Variants in UBXN8 observed in about 807,000 individuals in gnomAD.
UBXN8 encodes UBX domain protein 8.
Under a neutral mutation model 32.1 loss-of-function variants are expected in UBXN8, and 27 were observed. The observed-to-expected ratio is 0.84, with a 90% CI of 0.62 to 1.16. The LOEUF (loss-of-function observed/expected upper bound fraction) is 1.16, where lower values mean the gene tolerates loss of function less well. Ranked by LOEUF, UBXN8 falls within the 50% of genes most tolerant of loss-of-function variation. UBXN8 has a pLI of 0.00. For synonymous variants in UBXN8, 109 were observed against 111.8 expected, an observed-to-expected ratio of 0.98 and a Z score of 0.16; for missense variants, 306 against 311.4, an observed-to-expected ratio of 0.98 and a Z score of 0.13.
At chr8:30,740,784 C>T (rs1366889555), upstream of UBXN8, among the ~76,000 whole-genome samples, 3 of 151,970 alleles carry the variant, frequency 2.0e-5, no homozygotes, top group Non-Finnish European at 4.4e-5. Flanking sequence ...ACTAAGAGCT[C>T]TAAATCAACC....
At chr8:30,744,071 A>G (rs116069432), upstream of UBXN8, 258 of 845,784 alleles carry the variant, frequency 3.1e-4, no homozygotes, top group African/African-American at 4.1e-3. Context: ...GGCCGTCAGT[A>G]TTTACCACGT....
Position 30,766,217 on chromosome 8 carries a change from C to CA in UBXN8, c.646-9dup. On this transcript the variant is annotated splice_polypyrimidine_tract_variant and intron_variant, in intron 7 of 7. Coordinates refer to ENST00000265616, the MANE Select transcript of UBXN8 (RefSeq NM_005671.4). ...TTGATAATGACTAAGCCAAGCTTTT[C>CA]ATCTTCTAGGTCTTATTTGACTGGA... The CA allele has an allele frequency of 1.2e-6, 2 of 1,605,604 alleles. No homozygotes were observed. The highest frequency in any genetic ancestry group is 2.2e-5 in the South Asian group (2 of 90,222).
At chr8:30,753,004 TA>T in intron 2 of UBXN8, 30 bp from the exon 3 acceptor site, 1 of 1,490,942 alleles carries the variant, frequency 6.7e-7, no homozygotes, top group Non-Finnish European at 8.9e-7. Context: ...ACTTGGGAAG[TA>T]AAAAGCACTT....
At chr8:30,735,431 C>A (rs1362074063) in intron 1 of UBXN8, among the ~76,000 whole-genome samples, 2 of 152,112 alleles carry the variant, frequency 1.3e-5, no homozygotes, top group Non-Finnish European at 2.9e-5. Context: ...GTGGTGTGTA[C>A]CTGTAGTCCC....
rs768947297 is a variant in UBXN8 at position 30,744,311 on chromosome 8, C to T, written c.88+34C>T. On this transcript the variant is annotated intron_variant, in intron 1 of 7. Coordinates refer to ENST00000265616, the MANE Select transcript of UBXN8 (RefSeq NM_005671.4). ...GACTTTTTCCCTTCGACAGTCACAG[C>T]TGGGTAATTTTCACAGGAATGTTGC... 31 of 1,592,926 alleles carry T rather than the reference C, an allele frequency of 1.9e-5. No individual in the cohort carries two copies. In the East Asian group the frequency reaches 6.7e-4, roughly 35 times the overall value.
intron 1 of UBXN8, 124 bp downstream of exon 1, chr8:30,744,401 A>G (rs1419296348): frequency 3.3e-6 from 3 of 906,218 alleles, no homozygotes; most frequent in African/African-American, 3.3e-5. Context: ...CCCAGACTGC[A>G]TCGCCCCTGC....
intron 4 of UBXN8, chr8:30,756,162 A>T (rs1168726621): frequency 6.6e-6 from 1 of 151,838 alleles, no homozygotes; most frequent in Non-Finnish European, 1.5e-5. Flanking sequence ...TGTTTTTGAG[A>T]CAGAGTCTCT....
upstream of UBXN8, among the ~76,000 whole-genome samples, chr8:30,743,084 C>T (rs976650086): frequency 1.3e-5 from 2 of 151,922 alleles, no homozygotes; most frequent in Non-Finnish European, 2.9e-5. Context: ...AAAGAATTTT[C>T]TTTTTTCTTG....
intron 5 of UBXN8, among the ~76,000 whole-genome samples, chr8:30,760,365 C>T (rs1805796140): frequency 6.9e-6 from 1 of 144,980 alleles, no homozygotes; most frequent in Non-Finnish European, 1.5e-5. Flanking sequence ...CCAGCTGATA[C>T]ATGTTAACAT....
intron 6 of UBXN8, among the ~76,000 whole-genome samples, chr8:30,762,388 G>A (rs146002094): frequency 0.16 from 2,412 of 14,862 alleles, 60 homozygotes; most frequent in African/African-American, 0.21. Context: ...AAAGTTTTTT[G>A]TTTTTGTTTT....
At chr8:30,732,258 G>A, upstream of UBXN8, 1 of 395,842 alleles carries the variant, frequency 2.5e-6, no homozygotes, top group Non-Finnish European at 4.5e-6. Flanking sequence ...ACCTTTTGCT[G>A]GGACACCCCA....
intron 1 of UBXN8, among the ~76,000 whole-genome samples, chr8:30,737,657 CA>C (rs34685997): frequency 0.63 from 95,408 of 151,970 alleles, 35,217 homozygotes; most frequent in Non-Finnish European, 0.81. Flanking sequence ...CACTGCACTC[CA>C]GCCTAAGCAA....
chr8:30,750,730 G>GCA (rs1435568715), intron 1 of UBXN8, among the ~76,000 whole-genome samples: 62 of 146,390 alleles, frequency 4.2e-4, no homozygotes, highest in South Asian at 1.1e-3. Context: ...CCGAGATCAT[G>GCA]CCACTGCACT....
intron 6 of UBXN8, 82 bp downstream of exon 6, chr8:30,761,011 C>G: frequency 1.9e-6 from 2 of 1,038,342 alleles, no homozygotes; most frequent in Non-Finnish European, 1.4e-6. Flanking sequence ...CTTATCTAAA[C>G]TTGGGTTTAG....
At chr8:30,741,474 T>TG, upstream of UBXN8, among the ~76,000 whole-genome samples, 2 of 133,050 alleles carry the variant, frequency 1.5e-5, no homozygotes, top group Middle Eastern at 7.4e-3. Flanking sequence ...TTTTTTTTTT[T>TG]GAAACTGAGT....
At chr8:30,745,208 T>C (rs1177491733) in intron 1 of UBXN8, among the ~76,000 whole-genome samples, 1 of 152,138 alleles carries the variant, frequency 6.6e-6, no homozygotes, top group African/African-American at 2.4e-5. Context: ...AGATGAAATG[T>C]AGACAGAATT....
At chr8:30,735,978 A>C (rs1805062899) in intron 1 of UBXN8, among the ~76,000 whole-genome samples, 1 of 152,274 alleles carries the variant, frequency 6.6e-6, no homozygotes, top group Admixed American at 6.5e-5. Context: ...TGAGAAATTT[A>C]TGCAGGAAAT....
chr8:30,745,642 T>A (rs1468773203), intron 1 of UBXN8, among the ~76,000 whole-genome samples: 1 of 152,258 alleles, frequency 6.6e-6, no homozygotes, highest in Non-Finnish European at 1.5e-5. Flanking sequence ...CAAGCTGTGT[T>A]GGAATATAAC....
chr8:30,742,758 G>T (rs1161812428), upstream of UBXN8, among the ~76,000 whole-genome samples: 1 of 152,126 alleles, frequency 6.6e-6, no homozygotes, highest in African/African-American at 2.4e-5. Context: ...TGAACACAAC[G>T]TAGGCGTGAC....
Sources: gnomAD v4.1 joint callset for allele counts (sites outside exome capture counted in the v4.1 genomes callset) on GRCh38, gnomAD v4.1.1 for gene constraint, MANE v1.5 for transcripts, NCBI Gene and HGNC (gene_info 2026-07-23, HGNC 2026-07-21) for gene names.